Variants in ZNF618 observed in about 807,000 individuals in gnomAD.
ZNF618 encodes the protein neural precursor cell expressed, developmentally down-regulated 10.
In ZNF618, 34 loss-of-function variants were observed where a neutral mutation model predicts 103.0. The observed-to-expected ratio is 0.33, with a 90% confidence interval of 0.25 to 0.44. The LOEUF (loss-of-function observed/expected upper bound fraction) is 0.44. Among genes scored for constraint, ZNF618 ranks in the 20% least tolerant of loss-of-function variants. The pLI, the probability that ZNF618 is intolerant of heterozygous loss-of-function variation, is 1.00. For synonymous variants in ZNF618, 551 were observed against 542.2 expected, an observed-to-expected ratio of 1.02 and a Z score of -0.23; for missense variants, 1,059 against 1,295.4, an observed-to-expected ratio of 0.82 and a Z score of 2.80.
chr9:114,003,119 C>T (rs1318760507), intron 6 of ZNF618, among the ~76,000 whole-genome samples: 1 of 152,194 alleles, frequency 6.6e-6, no homozygotes, highest in Non-Finnish European at 1.5e-5. Context: ...GGAGAGTTTT[C>T]TCCTGAGCCC....
At chr9:114,000,447 A>G (rs2133606042) in intron 4 of ZNF618, among the ~76,000 whole-genome samples, 1 of 152,326 alleles carries the variant, frequency 6.6e-6, no homozygotes, top group Non-Finnish European at 1.5e-5. Flanking sequence ...GCCCAACACA[A>G]AGTCATAAAT....
intron 1 of ZNF618, among the ~76,000 whole-genome samples, chr9:113,885,320 C>T (rs1426816948): frequency 6.6e-6 from 1 of 152,212 alleles, no homozygotes; most frequent in Non-Finnish European, 1.5e-5. Flanking sequence ...AATGATTCTT[C>T]ACAGGAATGA....
At chr9:114,034,708 C>G (rs1844429509) in intron 12 of ZNF618, among the ~76,000 whole-genome samples, 1 of 152,186 alleles carries the variant, frequency 6.6e-6, no homozygotes, top group Non-Finnish European at 1.5e-5. Context: ...TTGAGGCTTG[C>G]CAACCTCTGG....
chr9:113,985,742 A>G (rs997684755), intron 2 of ZNF618, among the ~76,000 whole-genome samples: 2 of 152,184 alleles, frequency 1.3e-5, no homozygotes, highest in Non-Finnish European at 2.9e-5. Flanking sequence ...GGCTGCCTGC[A>G]TCAGGTCCCC....
intron 3 of ZNF618, among the ~76,000 whole-genome samples, chr9:113,992,336 G>A (rs1840152467): frequency 6.6e-6 from 1 of 152,152 alleles, no homozygotes; most frequent in Non-Finnish European, 1.5e-5. Context: ...CAGGAAGTTG[G>A]TGACATTTTC....
chr9:113,973,773 T>C (rs76920613), intron 2 of ZNF618, among the ~76,000 whole-genome samples: 6,481 of 152,324 alleles, frequency 0.043, 190 homozygotes, highest in Middle Eastern at 0.075. Flanking sequence ...TATGTAAATA[T>C]ATCTATTTTT....
At chr9:113,983,726 G>C (rs138604335) in intron 2 of ZNF618, among the ~76,000 whole-genome samples, 170 of 152,302 alleles carry the variant, frequency 1.1e-3, no homozygotes, top group African/African-American at 3.8e-3. Context: ...GACTCTGGTG[G>C]TTCAGTGGAA....
At chr9:114,000,721 GT>G (rs1041136499) in intron 4 of ZNF618, among the ~76,000 whole-genome samples, 1 of 152,210 alleles carries the variant, frequency 6.6e-6, no homozygotes, top group Non-Finnish European at 1.5e-5. Flanking sequence ...GGGAGTAGGA[GT>G]TAATGATCTT....
intron 1 of ZNF618, among the ~76,000 whole-genome samples, chr9:113,878,721 G>A (rs1399925956): frequency 5.9e-5 from 9 of 152,140 alleles, no homozygotes. Context: ...GGAAATTGAT[G>A]GTGGGTCACC....
intron 1 of ZNF618, among the ~76,000 whole-genome samples, chr9:113,953,597 T>A (rs1282724915): frequency 6.6e-6 from 1 of 152,190 alleles, no homozygotes; most frequent in East Asian, 1.9e-4. Context: ...TGCTTCTTCC[T>A]CTCTGTAACG....
At chr9:113,920,509 G>T (rs1008307920) in intron 1 of ZNF618, among the ~76,000 whole-genome samples, 1 of 150,624 alleles carries the variant, frequency 6.6e-6, no homozygotes, top group Non-Finnish European at 1.5e-5. Context: ...TCAAGCGATT[G>T]TCCTGCCTCG....
intron 3 of ZNF618, among the ~76,000 whole-genome samples, chr9:113,996,798 G>A (rs1216778698): frequency 6.6e-6 from 1 of 152,156 alleles, no homozygotes; most frequent in East Asian, 1.9e-4. Flanking sequence ...ATAGTGGGGG[G>A]CTCTGCTGCC....
intron 1 of ZNF618, among the ~76,000 whole-genome samples, chr9:113,888,620 C>T (rs1297225164): frequency 6.6e-6 from 1 of 152,182 alleles, no homozygotes; most frequent in East Asian, 1.9e-4. Context: ...CCTGATGGGA[C>T]AGTAACAGGC....
intron 1 of ZNF618, among the ~76,000 whole-genome samples, chr9:113,936,636 C>A (rs955258659): frequency 6.6e-6 from 1 of 152,152 alleles, no homozygotes; most frequent in Non-Finnish European, 1.5e-5. Flanking sequence ...AGAATAGTAC[C>A]ATCACTGGGT....
intron 3 of ZNF618, among the ~76,000 whole-genome samples, chr9:113,995,212 CAA>C (rs1840454295): frequency 6.7e-6 from 1 of 150,136 alleles, no homozygotes; most frequent in African/African-American, 2.5e-5. Flanking sequence ...ATCACCATAA[CAA>C]GATGTACATA....
chr9:113,886,220 T>C (rs1250584396), intron 1 of ZNF618, among the ~76,000 whole-genome samples: 1 of 152,226 alleles, frequency 6.6e-6, no homozygotes, highest in Non-Finnish European at 1.5e-5. Context: ...GATGTGTTAC[T>C]GTCCAAGACA....
chr9:114,053,614 A>G lies in ZNF618; in HGVS notation c.*3447A>G, dbSNP rs939784149. ...TTCACCAACAAAGCCCAAGCCAAGA[A>G]CTGCAGCGTTGAGGGTTGTCCCTCG... On this transcript the variant is annotated 3_prime_UTR_variant, in exon 15 of 15. Coordinates refer to ENST00000374126, the MANE Select transcript of ZNF618 (RefSeq NM_001318042.2). 6.6e-6 allele frequency: 1 copy of G among 152,182 alleles called. No individual in the cohort carries two copies. The highest frequency in any genetic ancestry group is 1.5e-5 in the Non-Finnish European group (1 of 68,048). The allele number at this position is 152,182 out of a possible 1,614,324, so 9.4% of individuals were successfully genotyped here. A position where few individuals can be genotyped will look rare whatever the true frequency, so the allele number is the denominator to read the frequency against.
chr9:113,986,112 G>T (rs1246659396), intron 2 of ZNF618, among the ~76,000 whole-genome samples: 3 of 152,308 alleles, frequency 2.0e-5, no homozygotes, highest in Non-Finnish European at 4.4e-5. Flanking sequence ...ATTAACAATG[G>T]TCGTGGTGAC....
intron 1 of ZNF618, among the ~76,000 whole-genome samples, chr9:113,893,078 G>A (rs767328850): frequency 4.6e-5 from 7 of 152,216 alleles, no homozygotes; most frequent in Non-Finnish European, 1.0e-4. Context: ...AAGTTGGGCC[G>A]CTTTCTGGTG....
Sources: allele counts gnomAD v4.1 joint callset (sites outside exome capture counted in the v4.1 genomes callset), GRCh38; gene constraint gnomAD v4.1.1; transcripts MANE v1.5; gene names NCBI Gene and HGNC (gene_info 2026-07-23, HGNC 2026-07-21).